The following AGPAT4 variants were observed in gnomAD, a reference collection of about 807,000 sequenced individuals.
AGPAT4 encodes the protein 1-acyl-sn-glycerol-3-phosphate acyltransferase delta.
A neutral mutation model predicts 48.0 loss-of-function variants in AGPAT4; 15 were observed. The observed-to-expected ratio is 0.31, with a 90% CI of 0.21 to 0.48. The LOEUF (loss-of-function observed/expected upper bound fraction) is 0.48, where lower values mean the gene tolerates loss of function less well. AGPAT4 is among the 20% of genes least tolerant of loss of function. The pLI is 0.99. For missense variants in AGPAT4, 314 were observed against 482.5 expected (o/e 0.65, Z 3.27); for synonymous variants, 178 against 198.7 (o/e 0.90, Z 0.88).
chr6:161,269,517 T>G (rs1400742925), intron 1 of AGPAT4, among the ~76,000 whole-genome samples: 1 of 152,198 alleles, frequency 6.6e-6, no homozygotes, highest in East Asian at 1.9e-4. Flanking sequence ...GGCTCACGCC[T>G]GCAGTCCCAG....
At chr6:161,228,463 C>T (rs1015505065) in intron 2 of AGPAT4, among the ~76,000 whole-genome samples, 11 of 151,994 alleles carry the variant, frequency 7.2e-5, no homozygotes, top group African/African-American at 1.2e-4. Flanking sequence ...TGAATTTGGA[C>T]GCAGGGCGCC....
rs1255312016 is a variant in AGPAT4 at position 161,155,339 on chromosome 6, G to GTCGA, written c.349-1033_349-1030dup. Among the ~76,000 whole-genome samples the GTCGA allele has an allele frequency of 1.3e-5, 2 of 152,186 alleles. No homozygotes were observed. Among genetic ancestry groups the GTCGA allele is most frequent in the Non-Finnish European group, 2.9e-5 (2 of 68,034 alleles). On this transcript the variant is annotated intron_variant, in intron 3 of 8. Transcript: ENST00000320285. This position sits in a 1 kb window ranked among gnomAD's most constrained non-coding sequence, Gnocchi z 5.8. ...GGCCAAGATGCTCCTTGATCAGTGG[G>GTCGA]TCGATGACTGATCAATGGGATATCA... is the stretch of plus-strand genomic sequence containing the variant.
rs1289644665 is a variant in AGPAT4, at chr6:161,206,186, T to G, written c.178+25850A>C. On this transcript the variant is annotated intron_variant, in intron 2 of 8. Transcript: ENST00000320285. This position sits in a 1 kb window ranked among gnomAD's most constrained non-coding sequence, Gnocchi z 4.8. The stretch of plus-strand genomic sequence containing the variant: ...AACTGCCCTACACCAACCGAACTCA[T>G]GGAAAAACTGTGGCCCTACCCCAAC... 6.6e-6 allele frequency among the ~76,000 whole-genome samples: 1 copy of G among 152,096 alleles called. No individual in the cohort carries two copies. The highest frequency in any genetic ancestry group is 1.5e-5 in the Non-Finnish European group (1 of 68,022).
chr6:161,273,239 T>C (rs1783480373), intron 1 of AGPAT4, among the ~76,000 whole-genome samples: 2 of 152,132 alleles, frequency 1.3e-5, no homozygotes, highest in Admixed American at 6.5e-5. Flanking sequence ...TTCCTCGATA[T>C]GGAGAAATTC....
chr6:161,194,638 G>A (rs370528125), intron 2 of AGPAT4, among the ~76,000 whole-genome samples: 4 of 148,486 alleles, frequency 2.7e-5, no homozygotes, highest in African/African-American at 7.6e-5. Context: ...ATGTGTATGT[G>A]TGTATGTGTA....
Position 161,238,424 on chromosome 6 carries a change from A to G in AGPAT4, c.-89-6122T>C, listed in dbSNP as rs922228518. On this transcript the variant is annotated intron_variant, in intron 1 of 8. Transcript: ENST00000320285. This position sits in a 1 kb window ranked among gnomAD's most constrained non-coding sequence, Gnocchi z 5.2. ...TGACTTCGTCTCTCCTGGGAAAGCC[A>G]ATGAGATGGTCGTCAACTCAGTTTT... 6.6e-6 allele frequency among the ~76,000 whole-genome samples: 1 copy of G among 152,226 alleles called. No individual in the cohort carries two copies. Among genetic ancestry groups the G allele is most frequent in the Non-Finnish European group, 1.5e-5 (1 of 68,036 alleles).
Position 161,201,222 on chromosome 6 carries a change from T to C in AGPAT4, c.178+30814A>G, listed in dbSNP as rs1289702682. On this transcript the variant is annotated intron_variant, in intron 2 of 8. Transcript: ENST00000320285. The surrounding 1 kb of genome is among the most constrained non-coding windows in gnomAD (Gnocchi z 6.0). ...AGGCTGTTCAAGAGAGACTTAATTC[T>C]GTACCTAATCAGATAAGGTGAAGGT... Among the ~76,000 whole-genome samples, 1 of 152,170 alleles carries C rather than the reference T, an allele frequency of 6.6e-6. No homozygotes were observed. The highest frequency in any genetic ancestry group is 1.5e-5 in the Non-Finnish European group (1 of 68,026).
At position 161,138,501 on chromosome 6, in the gene AGPAT4, G is replaced by A. The variant is rs540770098; in HGVS notation, c.1042+921C>T. ...ATATGCTTGAGACTGGAACCACCACGTGCATCAAATTGTCATTAACGATTA... is the reference window on the plus strand; with the variant it reads ...ATATGCTTGAGACTGGAACCACCACATGCATCAAATTGTCATTAACGATTA... On this transcript the variant is annotated intron_variant, in intron 8 of 8. Transcript: ENST00000320285. This position sits in a 1 kb window ranked among gnomAD's most constrained non-coding sequence, Gnocchi z 4.8. Among the ~76,000 whole-genome samples the A allele has an allele frequency of 4.6e-5, 7 of 152,288 alleles. No individual in the cohort carries two copies. In the South Asian group the frequency reaches 1.0e-3, roughly 23 times the overall value.
chr6:161,194,318 G>A (rs533802876), intron 2 of AGPAT4, among the ~76,000 whole-genome samples: 3 of 152,168 alleles, frequency 2.0e-5, no homozygotes, highest in East Asian at 1.9e-4. Flanking sequence ...TAATTTGGAC[G>A]CACGACACTA....
rs192625789 is a variant in AGPAT4 at position 161,138,459 on chromosome 6, C to A, written c.1042+963G>T. Among the ~76,000 whole-genome samples the A allele has an allele frequency of 6.0e-4, 92 of 152,190 alleles. No individual in the cohort carries two copies. Among genetic ancestry groups the A allele is most frequent in the Non-Finnish European group, 1.0e-3 (70 of 68,016 alleles). ...GCGAGCTGAAGAAACTCCACTGATACGGGTTTATAGATGCACATATGCTTG... is the reference window on the plus strand; with the variant it reads ...GCGAGCTGAAGAAACTCCACTGATAAGGGTTTATAGATGCACATATGCTTG... On this transcript the variant is annotated intron_variant, in intron 8 of 8. Coordinates refer to ENST00000320285, the MANE Select transcript of AGPAT4 (RefSeq NM_020133.3). This position sits in a 1 kb window ranked among gnomAD's most constrained non-coding sequence, Gnocchi z 4.8.
intron 1 of AGPAT4, among the ~76,000 whole-genome samples, chr6:161,237,999 T>C (rs1004329016): frequency 2.0e-5 from 3 of 146,592 alleles, no homozygotes; most frequent in African/African-American, 7.6e-5. Context: ...CAAGAGAAAT[T>C]CTGAAATGTG....
At position 161,266,634 on chromosome 6, in the gene AGPAT4, T is replaced by A. The variant is rs1329623836; in HGVS notation, c.-90+7304A>T. 1.3e-5 allele frequency among the ~76,000 whole-genome samples: 2 copies of A among 152,092 alleles called. No homozygotes were observed. The highest frequency in any genetic ancestry group is 2.1e-4 in the South Asian group (1 of 4,822). The stretch of plus-strand genomic sequence containing the variant: ...CCACACAAAAGGCCGAAGAATCTGC[T>A]CACCATCCGCCTTGCAACCTGCCCT... On this transcript the variant is annotated intron_variant, in intron 1 of 8. Transcript: ENST00000320285. This position sits in a 1 kb window ranked among gnomAD's most constrained non-coding sequence, Gnocchi z 6.2.
Position 161,136,295 on chromosome 6 carries a change from C to G in AGPAT4, c.*245G>C, listed in dbSNP as rs906971763. ...AACAAAGTTCACACTCACCACACAG[C>G]CATTCTCACACACACTCGCACAAAA... On this transcript the variant is annotated 3_prime_UTR_variant, in exon 9 of 9. Coordinates refer to ENST00000320285, the MANE Select transcript of AGPAT4 (RefSeq NM_020133.3). The G allele has an allele frequency of 1.7e-5, 9 of 526,236 alleles. No homozygotes were observed. Among genetic ancestry groups the G allele is most frequent in the African/African-American group, 1.3e-4 (7 of 52,166 alleles). The allele number at this position is 526,236 out of a possible 1,614,324, so 32.6% of individuals were successfully genotyped here. A position where few individuals can be genotyped will look rare whatever the true frequency, so the allele number is the denominator to read the frequency against.
At chr6:161,173,197 T>C (rs1250993601) in intron 2 of AGPAT4, among the ~76,000 whole-genome samples, 1 of 152,258 alleles carries the variant, frequency 6.6e-6, no homozygotes, top group African/African-American at 2.4e-5. Context: ...TTTCTAGTTC[T>C]AGATCCTTGA....
rs1401020464 is a variant in AGPAT4 at position 161,147,772 on chromosome 6, C to A, written c.768-1173G>T. On this transcript the variant is annotated intron_variant, in intron 6 of 8. Coordinates refer to ENST00000320285, the MANE Select transcript of AGPAT4 (RefSeq NM_020133.3). This position sits in a 1 kb window ranked among gnomAD's most constrained non-coding sequence, Gnocchi z 4.8. The stretch of plus-strand genomic sequence containing the variant: ...GATCTCTCAAGTCTGCCTAATATTT[C>A]TTTATTTGGAGAGTAGGAATGTAGT... 1.3e-5 allele frequency among the ~76,000 whole-genome samples: 2 copies of A among 152,212 alleles called. No homozygotes were observed. Among genetic ancestry groups the A allele is most frequent in the African/African-American group, 4.8e-5 (2 of 41,458 alleles).
rs1162205752 is a variant in AGPAT4, at chr6:161,246,912, G to A, written c.-89-14610C>T. On this transcript the variant is annotated intron_variant, in intron 1 of 8. Transcript: ENST00000320285. The surrounding 1 kb of genome is among the most constrained non-coding windows in gnomAD (Gnocchi z 5.5). ...CAAAGCAAAAGTAAGAGCATAAACT[G>A]ATAAAGTCCTGGGCTTCTTTCCCAT... 6.6e-6 allele frequency among the ~76,000 whole-genome samples: 1 copy of A among 152,214 alleles called. No individual in the cohort carries two copies. Among genetic ancestry groups the A allele is most frequent in the Non-Finnish European group, 1.5e-5 (1 of 68,048 alleles).
At chr6:161,210,556 T>C (rs1015195099) in intron 2 of AGPAT4, among the ~76,000 whole-genome samples, 1 of 152,182 alleles carries the variant, frequency 6.6e-6, no homozygotes, top group African/African-American at 2.4e-5. Flanking sequence ...CTAAAGCACT[T>C]GAATCAAATA....
chr6:161,258,461 A>G (rs905092789), intron 1 of AGPAT4, among the ~76,000 whole-genome samples: 3 of 152,224 alleles, frequency 2.0e-5, no homozygotes, highest in Non-Finnish European at 4.4e-5. Flanking sequence ...GGAAATTTTC[A>G]AATGTATATT....
chr6:161,145,103 G>A (rs1233585702), intron 7 of AGPAT4, among the ~76,000 whole-genome samples: 1 of 151,790 alleles, frequency 6.6e-6, no homozygotes, highest in African/African-American at 2.4e-5. Flanking sequence ...ATGGTTTTCT[G>A]TTTCTCTGTC....
Sources: allele counts gnomAD v4.1 joint callset (sites outside exome capture counted in the v4.1 genomes callset), GRCh38; gene constraint gnomAD v4.1.1; non-coding constraint Gnocchi (gnomAD v3.1); transcripts MANE v1.5; gene names NCBI Gene and HGNC (gene_info 2026-07-23, HGNC 2026-07-21).